CSF2RA: variants seen among roughly 807,000 people sequenced by gnomAD.
CSF2RA encodes the protein colony stimulating factor 2 receptor subunit alpha, also known as granulocyte-macrophage colony-stimulating factor receptor subunit alpha.
CSF2RA carries 42 observed loss-of-function variants against 51.6 expected under a neutral mutation model. The observed-to-expected ratio is 0.81, with a 90% CI of 0.64 to 1.05. CSF2RA has a LOEUF of 1.05. Among genes scored for constraint, CSF2RA ranks in the 50% least tolerant of loss-of-function variants. The pLI, the probability that CSF2RA is intolerant of heterozygous loss-of-function variation, is 0.00. For missense variants in CSF2RA, 530 were observed against 501.1 expected (o/e 1.06, Z -0.55); for synonymous variants, 222 against 193.0 (o/e 1.15, Z -1.24).
Position 1,289,106 on chromosome X carries a change from C to T in CSF2RA, c.473+218C>T, listed in dbSNP as rs182417394. The T allele has an allele frequency of 3.8e-4, 228 of 601,020 alleles. 1 individual carries two copies. The highest frequency in any genetic ancestry group is 2.6e-3 in the South Asian group (131 of 51,096). The allele number at this position is 601,020 out of a possible 1,614,324, so 37.2% of individuals were successfully genotyped here. On this transcript the variant is annotated intron_variant, in intron 6 of 12. Coordinates refer to ENST00000381529, the MANE Select transcript of CSF2RA (RefSeq NM_172245.4). ...CTTCCCAGGTAGCTGGGATTACAGG[C>T]GCCCGCCACCACACCAGGCCACATC...
At chrX:1,292,407 G>A (rs1217716311) in intron 7 of CSF2RA, among the ~76,000 whole-genome samples, 13 of 152,142 alleles carry the variant, frequency 8.5e-5, no homozygotes, top group Non-Finnish European at 1.2e-4. Flanking sequence ...CCAGGGGACC[G>A]GCGCTCAGCA....
At chrX:1,314,482 A>AATCCCACTGCACCTG (rs1569514887), downstream of CSF2RA, among the ~76,000 whole-genome samples, 2 of 70,350 alleles carry the variant, frequency 2.8e-5, no homozygotes, top group Admixed American at 1.4e-4. Context: ...CAATGCACCT[A>AATCCCACTGCACCTG]CCCAACCCCA....
At chrX:1,279,229 T>C (rs1259373049) in intron 2 of CSF2RA, among the ~76,000 whole-genome samples, 1 of 150,020 alleles carries the variant, frequency 6.7e-6, no homozygotes, top group Admixed American at 6.7e-5. Context: ...TGCGTGCCTG[T>C]AGTCCCAGCT....
intron 1 of CSF2RA, among the ~76,000 whole-genome samples, chrX:1,270,024 G>C (rs1217992812): frequency 6.6e-6 from 1 of 151,740 alleles, no homozygotes; most frequent in African/African-American, 2.4e-5. Context: ...CAGGAGAATC[G>C]CTTGAACCCG....
intron 4 of CSF2RA, 64 bp from the exon 5 acceptor site, chrX:1,288,455 C>G: frequency 8.1e-6 from 13 of 1,611,734 alleles, no homozygotes; most frequent in Non-Finnish European, 1.1e-5. Flanking sequence ...GCACTCCAGC[C>G]TGGGAGACTG....
the CSF2RA span, among the ~76,000 whole-genome samples, chrX:1,315,831 AATGGATAAATAG>A: frequency 6.6e-6 from 1 of 151,196 alleles, no homozygotes; most frequent in African/African-American, 2.4e-5. Context: ...TAGATAGATG[AATGGATAAATAG>A]ATGGATAGAT....
chrX:1,308,839 C>T (rs1361619102), intron 12 of CSF2RA, among the ~76,000 whole-genome samples: 1 of 152,116 alleles, frequency 6.6e-6, no homozygotes, highest in Non-Finnish European at 1.5e-5. Context: ...CTGTACCCTG[C>T]CCAGGTTTCA....
chrX:1,317,573 A>AT, the CSF2RA span, among the ~76,000 whole-genome samples: 44,519 of 131,266 alleles, frequency 0.34, 7,102 homozygotes, highest in East Asian at 0.46. Flanking sequence ...ATTTTATTTT[A>AT]TTTTTTTTTT....
downstream of CSF2RA, among the ~76,000 whole-genome samples, chrX:1,314,415 T>TACTGCACCTGCCCAACCGC (rs1240877826): frequency 1.4e-4 from 4 of 29,076 alleles, no homozygotes; most frequent in South Asian, 1.5e-3. Flanking sequence ...TGCCTAACCG[T>TACTGCACCTGCCCAACCGC]ACTGCACCTG....
chrX:1,324,656 C>T, the CSF2RA span, among the ~76,000 whole-genome samples: 1 of 152,018 alleles, frequency 6.6e-6, no homozygotes, highest in Non-Finnish European at 1.5e-5. Flanking sequence ...TGCTTTGGCC[C>T]CACTGTGGAT....
At chrX:1,276,397 G>A (rs1188236886) in intron 2 of CSF2RA, among the ~76,000 whole-genome samples, 3 of 147,164 alleles carry the variant, frequency 2.0e-5, no homozygotes, top group African/African-American at 5.1e-5. Flanking sequence ...TTTTGGAGAC[G>A]GAGTCTTGCT....
chrX:1,298,432 C>A (rs1383197933), intron 9 of CSF2RA, among the ~76,000 whole-genome samples: 1 of 48,202 alleles, frequency 2.1e-5, no homozygotes, highest in African/African-American at 1.3e-4. Flanking sequence ...TGACCCCTGG[C>A]AGAACCCTAC....
chrX:1,318,533 C>T, the CSF2RA span, among the ~76,000 whole-genome samples: 1 of 151,954 alleles, frequency 6.6e-6, no homozygotes, highest in African/African-American at 2.4e-5. Context: ...GGCCGTTGGA[C>T]TTTGCCCCAC....
At chrX:1,286,867 T>C (rs1380653973) in intron 4 of CSF2RA, among the ~76,000 whole-genome samples, 4 of 151,992 alleles carry the variant, frequency 2.6e-5, no homozygotes, top group Non-Finnish European at 4.4e-5. Context: ...TGTCAGTGTG[T>C]CACCGTCCTG....
At chrX:1,290,230 G>GT in intron 6 of CSF2RA, 107 bp from the exon 7 acceptor site, 1 of 892,406 alleles carries the variant, frequency 1.1e-6, no homozygotes, top group Non-Finnish European at 1.8e-6. Flanking sequence ...GTGTTTTTGT[G>GT]TTTTGTGTTT....
chrX:1,277,320 G>A (rs752348060), intron 2 of CSF2RA, among the ~76,000 whole-genome samples: 7 of 151,880 alleles, frequency 4.6e-5, no homozygotes, highest in Non-Finnish European at 4.4e-5. Context: ...CAGGGCGGCC[G>A]GGCGCTGTGG....
At chrX:1,279,361 A>AT (rs200635379) in intron 2 of CSF2RA, among the ~76,000 whole-genome samples, 10 of 149,564 alleles carry the variant, frequency 6.7e-5, no homozygotes, top group East Asian at 5.9e-4. Flanking sequence ...AATAATAATA[A>AT]TAATTAATAA....
intron 7 of CSF2RA, among the ~76,000 whole-genome samples, chrX:1,293,008 G>A (rs1226688625): frequency 1.3e-5 from 2 of 152,126 alleles, no homozygotes; most frequent in Admixed American, 6.6e-5. Flanking sequence ...AGAGAATGGA[G>A]AATGGCGATG....
chrX:1,293,448 T>TGACCTCGTGATCCTCCC (rs1426609959), intron 7 of CSF2RA, among the ~76,000 whole-genome samples: 1 of 152,186 alleles, frequency 6.6e-6, no homozygotes, highest in Non-Finnish European at 1.5e-5. Flanking sequence ...CTCGACCTCC[T>TGACCTCGTGATCCTCCC]GACCTCGTGA....
Sources: allele counts gnomAD v4.1 joint callset (sites outside exome capture counted in the v4.1 genomes callset), GRCh38; gene constraint gnomAD v4.1.1; transcripts MANE v1.5; gene names NCBI Gene and HGNC (gene_info 2026-07-23, HGNC 2026-07-21).